The following ONECUT2 variants were observed in gnomAD, a reference collection of about 807,000 sequenced individuals.
ONECUT2 encodes the protein one cut homeobox 2, also known as one cut domain family member 2.
A neutral mutation model predicts 27.9 loss-of-function variants in ONECUT2; 10 were observed. The ratio of observed to expected loss-of-function variants is 0.36; its 90% confidence interval spans 0.22 to 0.61. The LOEUF is 0.61. Among genes scored for constraint, ONECUT2 ranks in the 20% least tolerant of loss-of-function variants. The pLI is 0.73. For synonymous variants in ONECUT2, 334 were observed against 315.1 expected, an observed-to-expected ratio of 1.06 and a Z score of -0.64; for missense variants, 686 against 721.0, an observed-to-expected ratio of 0.95 and a Z score of 0.56.
intron 1 of ONECUT2, among the ~76,000 whole-genome samples, chr18:57,462,762 G>A (rs1312119009): frequency 1.9e-4 from 9 of 46,986 alleles, no homozygotes; most frequent in African/African-American, 7.9e-4. Context: ...ACAGAGTTTT[G>A]CTCTTGTTGC....
At chr18:57,441,498 CCCTCTGCACCCCCTCCCCCGA>C (rs2050173877) in intron 1 of ONECUT2, among the ~76,000 whole-genome samples, 2 of 152,222 alleles carry the variant, frequency 1.3e-5, no homozygotes, top group African/African-American at 4.8e-5. Context: ...GGGCTCTCTG[CCCTCTGCACCCCCTCCCCCGA>C]CCTCTGCACC....
chr18:57,470,773 C>CCA lies in ONECUT2; in HGVS notation c.1229-5653_1229-5652dup, dbSNP rs954645124. Reference sequence around the variant, plus strand: ...TGTCCCCCTTACCTTACCCTCCACACCACACACACACAACCACACACACAC... The same window carrying CCA: ...TGTCCCCCTTACCTTACCCTCCACACCACACACACACACAACCACACACACAC... On this transcript the variant is annotated intron_variant, in intron 1 of 1. Coordinates refer to ENST00000491143, the MANE Select transcript of ONECUT2 (RefSeq NM_004852.3). Among the ~76,000 whole-genome samples the CCA allele has an allele frequency of 4.6e-5, 7 of 151,612 alleles. No individual in the cohort carries two copies. In the South Asian group the frequency reaches 1.3e-3, roughly 27 times the overall value.
intron 1 of ONECUT2, among the ~76,000 whole-genome samples, chr18:57,450,489 G>A (rs756268743): frequency 2.0e-5 from 3 of 152,158 alleles, no homozygotes; most frequent in Admixed American, 1.3e-4. Context: ...AAGGGGTATT[G>A]TTTTCTATAA....
chr18:57,455,204 G>A (rs1300727943), intron 1 of ONECUT2, among the ~76,000 whole-genome samples: 1 of 152,142 alleles, frequency 6.6e-6, no homozygotes, highest in East Asian at 1.9e-4. Context: ...TTGGCTCCCT[G>A]GAGAGCTCCT....
At chr18:57,455,459 T>C (rs1445711248) in intron 1 of ONECUT2, among the ~76,000 whole-genome samples, 1 of 152,238 alleles carries the variant, frequency 6.6e-6, no homozygotes, top group Non-Finnish European at 1.5e-5. Context: ...CATGGCCATA[T>C]TATTTCATAT....
At chr18:57,453,497 T>G (rs1310584949) in intron 1 of ONECUT2, among the ~76,000 whole-genome samples, 2 of 152,262 alleles carry the variant, frequency 1.3e-5, no homozygotes, top group East Asian at 3.8e-4. Flanking sequence ...TTAGCTAGAT[T>G]TGTTCTGCAT....
At chr18:57,466,409 G>C (rs1598940532) in intron 1 of ONECUT2, among the ~76,000 whole-genome samples, 1 of 152,234 alleles carries the variant, frequency 6.6e-6, no homozygotes, top group Admixed American at 6.5e-5. Context: ...ACAGGACTTC[G>C]AGATGATTTT....
At chr18:57,460,403 T>C (rs1339557875) in intron 1 of ONECUT2, among the ~76,000 whole-genome samples, 1 of 152,184 alleles carries the variant, frequency 6.6e-6, no homozygotes, top group African/African-American at 2.4e-5. Context: ...CTTTATAATA[T>C]ATTATATTCC....
rs2050423100 is a variant in ONECUT2, at chr18:57,483,061, C to G, written c.*6338C>G. Reference sequence around the variant, plus strand: ...ATGATTGATGACTTCGGTTGAATAGCTTTATTCTGGATTTTTCATAACTAA... The same window carrying G: ...ATGATTGATGACTTCGGTTGAATAGGTTTATTCTGGATTTTTCATAACTAA... On this transcript the variant is annotated 3_prime_UTR_variant, in exon 2 of 2. Transcript: ENST00000491143. 2 of 150,452 alleles carry G rather than the reference C, an allele frequency of 1.3e-5. No individual in the cohort carries two copies. The highest frequency in any genetic ancestry group is 2.5e-5 in the African/African-American group (1 of 40,538). The allele number at this position is 150,452 out of a possible 1,614,324, so 9.3% of individuals were successfully genotyped here. A position where few individuals can be genotyped will look rare whatever the true frequency, so the allele number is the denominator to read the frequency against.
chr18:57,456,295 C>T (rs2050259037), intron 1 of ONECUT2, among the ~76,000 whole-genome samples: 1 of 152,178 alleles, frequency 6.6e-6, no homozygotes, highest in Admixed American at 6.5e-5. Context: ...CCCGTGTTCA[C>T]TGCAGTGTTA....
intron 1 of ONECUT2, among the ~76,000 whole-genome samples, chr18:57,474,909 A>G (rs1045864890): frequency 6.6e-6 from 1 of 152,196 alleles, no homozygotes; most frequent in African/African-American, 2.4e-5. Flanking sequence ...AGGGATTCTC[A>G]ACCTCTGGCC....
chr18:57,485,898 C>T lies in ONECUT2; in HGVS notation c.*9175C>T, dbSNP rs2050435325. ...CCATCTTCTCCCTATACAAGGCAAA[C>T]CTGTAAGGCCTTCCTTCCAAAGAGT... On this transcript the variant is annotated 3_prime_UTR_variant, in exon 2 of 2. Transcript: ENST00000491143. 6.6e-6 allele frequency: 1 copy of T among 152,252 alleles called. No homozygotes were observed. Among genetic ancestry groups the T allele is most frequent in the African/African-American group, 2.4e-5 (1 of 41,456 alleles). The allele number at this position is 152,252 out of a possible 1,614,324, so 9.4% of individuals were successfully genotyped here.
At position 57,479,316 on chromosome 18, in the gene ONECUT2, A is replaced by T. The variant is rs2050403248; in HGVS notation, c.*2593A>T. 1 of 152,522 alleles carries T rather than the reference A, an allele frequency of 6.6e-6. No homozygotes were observed. Among genetic ancestry groups the T allele is most frequent in the Non-Finnish European group, 1.5e-5 (1 of 68,042 alleles). 9.4% of individuals were successfully genotyped at this position (152,522 alleles called of 1,614,324 possible). On this transcript the variant is annotated 3_prime_UTR_variant, in exon 2 of 2. Transcript: ENST00000491143. ...TATTAGCTTTTTAAAAATCAGCTGT[A>T]AAGTTGCATTTCTAAAGAAAGATAT...
rs1261133060 is a variant in ONECUT2, at chr18:57,488,213, T to C, written c.*11490T>C. 1 of 152,682 alleles carries C rather than the reference T, an allele frequency of 6.5e-6. No homozygotes were observed. Among genetic ancestry groups the C allele is most frequent in the Admixed American group, 6.5e-5 (1 of 15,286 alleles). The allele number at this position is 152,682 out of a possible 1,614,324, so 9.5% of individuals were successfully genotyped here. On this transcript the variant is annotated 3_prime_UTR_variant, in exon 2 of 2. Coordinates refer to ENST00000491143, the MANE Select transcript of ONECUT2 (RefSeq NM_004852.3). The stretch of plus-strand genomic sequence containing the variant: ...TTTTCTCTTATTAATCTGCCAAAGA[T>C]GGGAACAGATACAAGAATTTTTCAA...
rs763511864 is a variant in ONECUT2 at position 57,486,681 on chromosome 18, A to C, written c.*9958A>C. On this transcript the variant is annotated 3_prime_UTR_variant, in exon 2 of 2. Coordinates refer to ENST00000491143, the MANE Select transcript of ONECUT2 (RefSeq NM_004852.3). The stretch of plus-strand genomic sequence containing the variant: ...GTAATAGATGAAAAAAGGTGCGCTT[A>C]AAAAGAAAATGTATGTTTTTTTCCC... 7.2e-5 allele frequency: 11 copies of C among 152,672 alleles called. No individual in the cohort carries two copies. Among genetic ancestry groups the C allele is most frequent in the Non-Finnish European group, 1.3e-4 (9 of 68,048 alleles). The allele number at this position is 152,672 out of a possible 1,614,324, so 9.5% of individuals were successfully genotyped here.
At chr18:57,450,364 G>T (rs2050223408) in intron 1 of ONECUT2, among the ~76,000 whole-genome samples, 1 of 152,042 alleles carries the variant, frequency 6.6e-6, no homozygotes, top group African/African-American at 2.4e-5. Flanking sequence ...AGTAGAGATG[G>T]GGTTTCACCA....
chr18:57,449,783 C>T (rs2050220105), intron 1 of ONECUT2, among the ~76,000 whole-genome samples: 1 of 152,236 alleles, frequency 6.6e-6, no homozygotes, highest in Non-Finnish European at 1.5e-5. Context: ...TTCTCCAGGT[C>T]CTATCATTCC....
At position 57,436,282 on chromosome 18, in the gene ONECUT2, G is replaced by C; in HGVS notation, c.566G>C (p.Gly189Ala). The C allele has an allele frequency of 6.2e-7, 1 of 1,604,476 alleles. No individual in the cohort carries two copies. The highest frequency in any genetic ancestry group is 1.7e-5 in the Admixed American group (1 of 59,804). Residue 189 changes from glycine (G) to alanine (A), a missense_variant, in exon 1 of 2, where the codon GGC becomes GCC. This residue lies in a region of ONECUT2 where 511 missense variants were observed against 488.1 expected (regional missense o/e 1.05). Coordinates refer to ENST00000491143, the MANE Select transcript of ONECUT2 (RefSeq NM_004852.3). This position sits in a 1 kb window ranked among gnomAD's most constrained non-coding sequence, Gnocchi z 5.9. ...HHHHHHQRLS[G>A]NVSGSFTLMR... Reference sequence around the variant, plus strand: ...CACCACCACCACCAGCGCCTGTCCGGCAACGTCAGCGGCAGCTTCACCCTC... The same window carrying C: ...CACCACCACCACCAGCGCCTGTCCGCCAACGTCAGCGGCAGCTTCACCCTC...
chr18:57,436,762 A>G lies in ONECUT2; in HGVS notation c.1046A>G (p.Tyr349Cys), dbSNP rs1309677620. The change falls in exon 1 of 2, where the codon TAC becomes TGC. Residue 349 changes from tyrosine (Y) to cysteine (C), a missense_variant. Around this residue, in one of 4 missense-constraint regions of ONECUT2, gnomAD observed 47 missense variants for 86.0 expected, o/e 0.55. Coordinates refer to ENST00000491143, the MANE Select transcript of ONECUT2 (RefSeq NM_004852.3). The surrounding 1 kb of genome is among the most constrained non-coding windows in gnomAD (Gnocchi z 5.9). Reference protein sequence around the residue: ...AQRITAELKRYSIPQAIFAQR... With the variant: ...AQRITAELKRCSIPQAIFAQR... ...CGCATCACAGCGGAGCTGAAGCGCT[A>G]CAGTATCCCCCAGGCGATCTTTGCG... 1.2e-6 allele frequency: 2 copies of G among 1,614,022 alleles called. No individual in the cohort carries two copies. Among genetic ancestry groups the G allele is most frequent in the Non-Finnish European group, 1.7e-6 (2 of 1,180,034 alleles).
Sources: allele counts gnomAD v4.1 joint callset (sites outside exome capture counted in the v4.1 genomes callset), GRCh38; gene constraint gnomAD v4.1.1; regional missense constraint gnomAD v4.1.1; non-coding constraint Gnocchi (gnomAD v3.1); transcripts MANE v1.5; gene names NCBI Gene and HGNC (gene_info 2026-07-23, HGNC 2026-07-21).